Variants in DOK6 observed in about 807,000 individuals in gnomAD.
The protein encoded by DOK6 is docking protein 6.
A neutral mutation model predicts 44.0 loss-of-function variants in DOK6; 22 were observed. The ratio of observed to expected loss-of-function variants is 0.50; its 90% CI spans 0.36 to 0.71. DOK6 has a LOEUF of 0.71. Among genes scored for constraint, DOK6 ranks in the 30% least tolerant of loss-of-function variants. The pLI is 0.00. For missense variants in DOK6, 340 were observed against 416.4 expected, an observed-to-expected ratio of 0.82 and a Z score of 1.60; for synonymous variants, 166 against 145.5, an observed-to-expected ratio of 1.14 and a Z score of -1.01.
At chr18:69,480,909 G>C (rs919295420) in intron 1 of DOK6, among the ~76,000 whole-genome samples, 12 of 152,188 alleles carry the variant, frequency 7.9e-5, no homozygotes, top group African/African-American at 2.9e-4. Flanking sequence ...GGAGGACCCT[G>C]TGAAGAACTC....
chr18:69,752,248 GTATT>G (rs915995778), intron 6 of DOK6, among the ~76,000 whole-genome samples: 4 of 151,944 alleles, frequency 2.6e-5, no homozygotes, highest in African/African-American at 9.7e-5. Context: ...TTATAAAAAT[GTATT>G]TTTTTAAAAA....
chr18:69,612,425 G>C (rs569420986), intron 3 of DOK6, among the ~76,000 whole-genome samples: 21 of 147,244 alleles, frequency 1.4e-4, no homozygotes, highest in Admixed American at 2.7e-4. Flanking sequence ...ATGTGTGCGA[G>C]GGCGCATGTG....
intron 1 of DOK6, among the ~76,000 whole-genome samples, chr18:69,556,520 G>A (rs1363486621): frequency 5.3e-5 from 8 of 152,148 alleles, no homozygotes; most frequent in Admixed American, 5.2e-4. Flanking sequence ...TTCTTTGTTT[G>A]CTGTCCACCC....
At chr18:69,834,404 G>A (rs1038471930) in intron 7 of DOK6, among the ~76,000 whole-genome samples, 1 of 151,406 alleles carries the variant, frequency 6.6e-6, no homozygotes, top group South Asian at 2.1e-4. Flanking sequence ...GATAAGTGAC[G>A]TTGGTTAATG....
chr18:69,520,546 A>G (rs1981656231), intron 1 of DOK6, among the ~76,000 whole-genome samples: 2 of 152,028 alleles, frequency 1.3e-5, no homozygotes, highest in Middle Eastern at 3.4e-3. Context: ...TTTTTTGAGC[A>G]CCAACATGAT....
At chr18:69,518,350 T>G (rs1328675453) in intron 1 of DOK6, among the ~76,000 whole-genome samples, 1 of 152,088 alleles carries the variant, frequency 6.6e-6, no homozygotes, top group Admixed American at 6.6e-5. Context: ...CATAATGTGG[T>G]GTGCCCTTAG....
At chr18:69,794,705 G>A (rs930330831) in intron 7 of DOK6, among the ~76,000 whole-genome samples, 5 of 152,108 alleles carry the variant, frequency 3.3e-5, no homozygotes, top group Non-Finnish European at 5.9e-5. Flanking sequence ...GGTGAGCAGC[G>A]GGCAAGCTAG....
chr18:69,552,140 G>A (rs1305284668), intron 1 of DOK6, among the ~76,000 whole-genome samples: 7 of 152,118 alleles, frequency 4.6e-5, no homozygotes, highest in Non-Finnish European at 2.9e-5. Context: ...AAAGGACACT[G>A]TTTCTACACT....
chr18:69,516,682 C>CTTTT (rs34710946), intron 1 of DOK6, among the ~76,000 whole-genome samples: 2 of 149,556 alleles, frequency 1.3e-5, no homozygotes, highest in Non-Finnish European at 1.5e-5. Flanking sequence ...AAGTACTATA[C>CTTTT]TTTTTTTTTT....
At chr18:69,704,547 C>T (rs1480287174) in intron 5 of DOK6, among the ~76,000 whole-genome samples, 3 of 144,556 alleles carry the variant, frequency 2.1e-5, no homozygotes, top group Non-Finnish European at 4.5e-5. Flanking sequence ...GGCGCAATCT[C>T]GGCTCACTGC....
At chr18:69,733,359 A>C (rs1197244947) in intron 5 of DOK6, among the ~76,000 whole-genome samples, 1 of 152,182 alleles carries the variant, frequency 6.6e-6, no homozygotes, top group East Asian at 1.9e-4. Flanking sequence ...TCCAGAGTTT[A>C]ATGTACATAC....
chr18:69,620,072 TTAATA>T lies in DOK6; in HGVS notation c.289+20588_289+20592del, dbSNP rs200461246. On this transcript the variant is annotated intron_variant, in intron 3 of 7. Coordinates refer to ENST00000382713, the MANE Select transcript of DOK6 (RefSeq NM_152721.6). ...AACACTTGTGAACTTACCAACCACC[TTAATA>T]TAATATAATATAAATATGTGACGTA... is the stretch of plus-strand genomic sequence containing the variant. Among the ~76,000 whole-genome samples, 620 of 152,278 alleles carry T rather than the reference TTAATA, an allele frequency of 4.1e-3. 2 individuals carry two copies. The highest frequency in any genetic ancestry group is 9.5e-3 in the African/African-American group (396 of 41,568).
chr18:69,407,908 G>T (rs1978291984), intron 1 of DOK6, among the ~76,000 whole-genome samples: 1 of 152,064 alleles, frequency 6.6e-6, no homozygotes, highest in Non-Finnish European at 1.5e-5. Context: ...ACTTCATAAT[G>T]GTAACATAAT....
chr18:69,720,768 A>G (rs987744007), intron 5 of DOK6, among the ~76,000 whole-genome samples: 1 of 152,188 alleles, frequency 6.6e-6, no homozygotes, highest in African/African-American at 2.4e-5. Context: ...ACAGTGCCAG[A>G]TAGACAAGTT....
chr18:69,807,585 T>C (rs1981090954), intron 7 of DOK6, among the ~76,000 whole-genome samples: 1 of 151,812 alleles, frequency 6.6e-6, no homozygotes, highest in African/African-American at 2.4e-5. Context: ...AGACTGAAAG[T>C]AAAATGATAG....
chr18:69,677,370 G>A (rs371582346), intron 3 of DOK6, among the ~76,000 whole-genome samples: 1 of 149,186 alleles, frequency 6.7e-6, no homozygotes, highest in Non-Finnish European at 1.5e-5. Flanking sequence ...ATATGTGTGT[G>A]TATATATATA....
intron 7 of DOK6, among the ~76,000 whole-genome samples, chr18:69,774,120 GATATATATATGAGATATATAT>G (rs1568122430): frequency 3.8e-5 from 1 of 26,510 alleles, no homozygotes; most frequent in Non-Finnish European, 1.9e-4. Context: ...GATTTATATA[GATATATATATGAGATATATAT>G]ATATATATAT....
chr18:69,746,902 G>A (rs766581277), intron 6 of DOK6, among the ~76,000 whole-genome samples: 3 of 152,122 alleles, frequency 2.0e-5, no homozygotes, highest in Non-Finnish European at 4.4e-5. Context: ...CCCAATTGGT[G>A]TAATTCTCAT....
intron 1 of DOK6, among the ~76,000 whole-genome samples, chr18:69,464,896 A>T (rs547893453): frequency 5.6e-4 from 85 of 152,350 alleles, no homozygotes; most frequent in African/African-American, 2.0e-3. Context: ...AAAATTTCAG[A>T]TCACACTTTT....
Sources: allele counts gnomAD v4.1 joint callset (sites outside exome capture counted in the v4.1 genomes callset), GRCh38; gene constraint gnomAD v4.1.1; transcripts MANE v1.5; gene names NCBI Gene and HGNC (gene_info 2026-07-23, HGNC 2026-07-21).